ARL13B: variants seen among roughly 807,000 people sequenced by gnomAD.
ARL13B encodes ADP-ribosylation factor-like protein 13B.
A neutral mutation model predicts 56.1 loss-of-function variants in ARL13B; 36 were observed. That is an observed-to-expected ratio of 0.64 (90% CI 0.49 to 0.85). The LOEUF is 0.85. Ranked by LOEUF, ARL13B falls within the 40% of genes least tolerant of loss-of-function variation. The pLI, the probability that ARL13B is intolerant of heterozygous loss-of-function variation, is 0.00. For synonymous variants in ARL13B, 178 were observed against 171.1 expected (o/e 1.04, Z -0.32); for missense variants, 519 against 507.1 (o/e 1.02, Z -0.23).
chr3:93,983,951 C>T (rs1445753805), intron 1 of ARL13B, among the ~76,000 whole-genome samples: 1 of 152,150 alleles, frequency 6.6e-6, no homozygotes, highest in Non-Finnish European at 1.5e-5. Flanking sequence ...CTAATAGCCT[C>T]CTGTTGACTA....
At chr3:94,039,463 G>A (rs867390957) in intron 5 of ARL13B, among the ~76,000 whole-genome samples, 1 of 132,722 alleles carries the variant, frequency 7.5e-6, no homozygotes. Flanking sequence ...TGGTGCCAAT[G>A]CACTCCAGCC....
intron 3 of ARL13B, among the ~76,000 whole-genome samples, chr3:94,016,164 A>C (rs2076330076): frequency 6.6e-6 from 1 of 152,172 alleles, no homozygotes; most frequent in East Asian, 1.9e-4. Flanking sequence ...AGGGAATAAA[A>C]AGCAGTAAAA....
At position 94,048,872 on chromosome 3, in the gene ARL13B, C is replaced by T. The variant is rs181435522; in HGVS notation, c.1025-534C>T. Among the ~76,000 whole-genome samples, 997 of 152,162 alleles carry T rather than the reference C, an allele frequency of 6.6e-3. 9 individuals carry two copies. Among genetic ancestry groups the T allele is most frequent in the Non-Finnish European group, 9.4e-3 (636 of 68,010 alleles). On this transcript the variant is annotated intron_variant, in intron 7 of 9. Coordinates refer to ENST00000394222, the MANE Select transcript of ARL13B (RefSeq NM_001174150.2). Reference sequence around the variant, plus strand: ...TCAGCCTCCCAGAGTGCTGAGATTACAGGTGTGAGCTGCCATGCATAGCCT... The same window carrying T: ...TCAGCCTCCCAGAGTGCTGAGATTATAGGTGTGAGCTGCCATGCATAGCCT...
chr3:94,044,923 G>C (rs2076954922), intron 7 of ARL13B, among the ~76,000 whole-genome samples: 1 of 152,188 alleles, frequency 6.6e-6, no homozygotes, highest in Non-Finnish European at 1.5e-5. Flanking sequence ...CGCCGCATCT[G>C]GGAGGTGTAC....
intron 3 of ARL13B, among the ~76,000 whole-genome samples, chr3:94,021,250 G>A (rs2076442783): frequency 3.3e-5 from 5 of 151,144 alleles, no homozygotes; most frequent in African/African-American, 9.7e-5. Flanking sequence ...CTGGAGTGCA[G>A]TGTCATGATC....
At position 94,054,990 on chromosome 3, in the gene ARL13B, T is replaced by C; in HGVS notation, c.*1727T>C. 3.2e-6 allele frequency: 1 copy of C among 313,008 alleles called. No homozygotes were observed. The highest frequency in any genetic ancestry group is 6.2e-6 in the Non-Finnish European group (1 of 160,696). The allele number at this position is 313,008 out of a possible 1,614,324, so 19.4% of individuals were successfully genotyped here. On this transcript the variant is annotated 3_prime_UTR_variant, in exon 10 of 10. Transcript: ENST00000394222. ...TTTTAATATTTATCTCGTTTGGGAG[T>C]ATACGTGTTTTTAAAATTTGTGTTT...
Position 94,053,918 on chromosome 3 carries a change from A to G in ARL13B, c.*655A>G. ...TGTACATCGTAATTTGACCTAATTT[A>G]AAAATAATATATTTTCGAAGTAGTA... On this transcript the variant is annotated 3_prime_UTR_variant, in exon 10 of 10. Coordinates refer to ENST00000394222, the MANE Select transcript of ARL13B (RefSeq NM_001174150.2). 1 of 318,478 alleles carries G rather than the reference A, an allele frequency of 3.1e-6. No individual in the cohort carries two copies. The highest frequency in any genetic ancestry group is 6.1e-6 in the Non-Finnish European group (1 of 163,674). The allele number at this position is 318,478 out of a possible 1,614,324, so 19.7% of individuals were successfully genotyped here. A position where few individuals can be genotyped will look rare whatever the true frequency, so the allele number is the denominator to read the frequency against.
chr3:94,010,395 C>G (rs919818187), intron 3 of ARL13B, among the ~76,000 whole-genome samples: 4 of 152,018 alleles, frequency 2.6e-5, no homozygotes, highest in Non-Finnish European at 5.9e-5. Flanking sequence ...AGTATTTCAT[C>G]TTACGAATTC....
At chr3:94,015,204 A>G (rs1199749903) in intron 3 of ARL13B, 4 of 1,612,276 alleles carry the variant, frequency 2.5e-6, no homozygotes, top group Non-Finnish European at 3.4e-6. Flanking sequence ...TAGTTGATAC[A>G]TGACTGTCTC....
At chr3:94,005,163 A>G (rs1291580443) in intron 3 of ARL13B, among the ~76,000 whole-genome samples, 1 of 152,192 alleles carries the variant, frequency 6.6e-6, no homozygotes, top group Non-Finnish European at 1.5e-5. Flanking sequence ...AACATTGCCA[A>G]GGGTTGGGAA....
chr3:94,029,833 A>T (rs529437818), intron 3 of ARL13B, among the ~76,000 whole-genome samples: 4 of 152,308 alleles, frequency 2.6e-5, no homozygotes, highest in African/African-American at 9.6e-5. Context: ...AGCATTTTGC[A>T]ATTATAGAAA....
chr3:93,988,835 T>G, intron 1 of ARL13B: 1 of 392,482 alleles, frequency 2.5e-6, no homozygotes, highest in Non-Finnish European at 5.0e-6. Context: ...TGATGCCTCT[T>G]TGGCTTCATT....
Position 94,043,166 on chromosome 3 carries a change from T to C in ARL13B, c.950T>C (p.Val317Ala). 6.2e-7 allele frequency: 1 copy of C among 1,613,554 alleles called. No individual in the cohort carries two copies. The highest frequency in any genetic ancestry group is 8.5e-7 in the Non-Finnish European group (1 of 1,179,844). ...NGQKNNEFGLVENYKEALTQQ... is the reference protein window; with the variant it reads ...NGQKNNEFGLAENYKEALTQQ... ...CAAAAAAATAATGAATTTGGACTAG[T>C]AGAAAATTATAAGGAGGCATTAACA... The change falls in exon 7 of 10, where the codon GTA becomes GCA. Residue 317 changes from valine (V) to alanine (A), a missense_variant. Val to Ala is a moderately conservative substitution (Grantham distance 64, BLOSUM62 0). Coordinates refer to ENST00000394222, the MANE Select transcript of ARL13B (RefSeq NM_001174150.2).
chr3:94,004,000 T>C, intron 3 of ARL13B, 92 bp downstream of exon 3: 1 of 1,565,726 alleles, frequency 6.4e-7, no homozygotes, highest in Non-Finnish European at 8.7e-7. Context: ...TAAGCTAAAA[T>C]AGTCACGCTT....
At chr3:93,988,128 C>A (rs1710557448) in intron 1 of ARL13B, among the ~76,000 whole-genome samples, 1 of 151,460 alleles carries the variant, frequency 6.6e-6, no homozygotes, top group Non-Finnish European at 1.5e-5. Flanking sequence ...AGCACATTAA[C>A]ACAGTTATTA....
At position 94,053,181 on chromosome 3, in the gene ARL13B, T is replaced by C. The variant is rs1254820031; in HGVS notation, c.1211-6T>C. The stretch of plus-strand genomic sequence containing the variant: ...TTTGTGCATTTGGTTTTCTTTCTTT[T>C]CTTAGATTTCTATAGGAAGCCACTG... On this transcript the variant is annotated splice_polypyrimidine_tract_variant and splice_region_variant and intron_variant, in intron 9 of 9. Transcript: ENST00000394222. The C allele has an allele frequency of 2.5e-6, 4 of 1,610,092 alleles. No individual in the cohort carries two copies. The highest frequency in any genetic ancestry group is 1.7e-5 in the Admixed American group (1 of 59,956).
intron 1 of ARL13B, among the ~76,000 whole-genome samples, chr3:93,990,994 C>G (rs573341289): frequency 6.6e-6 from 1 of 152,232 alleles, no homozygotes; most frequent in South Asian, 2.1e-4. Context: ...ACATATATAG[C>G]TAAACATTTT....
chr3:94,046,894 CAG>C (rs1024300573), intron 7 of ARL13B, among the ~76,000 whole-genome samples: 3 of 152,032 alleles, frequency 2.0e-5, no homozygotes, highest in Non-Finnish European at 4.4e-5. Context: ...TGTTATATAA[CAG>C]AATGTTCATG....
At chr3:94,015,261 G>T in intron 3 of ARL13B, 1 of 1,535,322 alleles carries the variant, frequency 6.5e-7, no homozygotes, top group Non-Finnish European at 8.7e-7. Context: ...CTTGAAGTCG[G>T]TCTTTCATCT....
Sources: gnomAD v4.1 joint callset for allele counts (sites outside exome capture counted in the v4.1 genomes callset) on GRCh38, gnomAD v4.1.1 for gene constraint, MANE v1.5 for transcripts, NCBI Gene and HGNC (gene_info 2026-07-23, HGNC 2026-07-21) for gene names.